The following ARMCX4 variants were observed in gnomAD, a reference collection of about 807,000 sequenced individuals.
The protein encoded by ARMCX4 is armadillo repeat containing X-linked 4.
ARMCX4 carries 3 observed loss-of-function variants against 34.7 expected under a neutral mutation model. That is an observed-to-expected ratio of 0.09 (90% CI 0.04 to 0.22). The LOEUF is 0.22. Ranked by LOEUF, ARMCX4 falls within the 10% of genes least tolerant of loss-of-function variation. The probability of loss-of-function intolerance (pLI) is 1.00; values close to 1 mark genes in which losing one functional copy is unlikely to be tolerated. For synonymous variants in ARMCX4, 513 were observed against 632.8 expected (o/e 0.81, Z 2.84); for missense variants, 1,448 against 1,720.8 (o/e 0.84, Z 2.81).
In ARMCX4 at chrX:101,489,813, T is replaced by A. The variant is rs962218374; in HGVS notation, c.1224T>A (p.Thr408=). ...CTCAGCCTCAAGCTGTTGCCAGTAC[T>A]CACGCTGAGGCCATGTCTGATGCTA... ...AAAQPQAVAS[T]HAEAMSDAKV... Residue 408 remains threonine (T), a synonymous_variant, in exon 6 of 6, where the codon ACT becomes ACA. Coordinates refer to ENST00000423738, the MANE Select transcript of ARMCX4 (RefSeq NM_001256155.3). The A allele has an allele frequency of 2.3e-5, 27 of 1,155,699 alleles. No homozygotes were observed. The highest frequency in any genetic ancestry group is 3.0e-5 in the Non-Finnish European group (26 of 872,672).
At chrX:101,524,095 C>G (rs1413895730) in intron 11 of ARMCX4, 1 of 111,315 alleles carries the variant, frequency 9.0e-6, no homozygotes, top group African/African-American at 3.3e-5. Context: ...GAGTGATGCC[C>G]CTGCTCTGTG....
chrX:101,503,700 G>A (rs1294954446), intron 7 of ARMCX4, among the ~76,000 whole-genome samples: 8 of 111,466 alleles, frequency 7.2e-5, no homozygotes, highest in Non-Finnish European at 1.3e-4. Flanking sequence ...TTTGTCAGAT[G>A]AGTAGATTGC....
intron 11 of ARMCX4, among the ~76,000 whole-genome samples, chrX:101,511,935 C>A (rs978078802): frequency 7.3e-5 from 8 of 109,056 alleles, no homozygotes; most frequent in Non-Finnish European, 1.5e-4. Flanking sequence ...TTTTTTAGTA[C>A]AACTTATTAT....
chrX:101,498,095 C>A (rs1490432378), downstream of ARMCX4: 3 of 322,282 alleles, frequency 9.3e-6, no homozygotes, highest in Non-Finnish European at 1.8e-5. Flanking sequence ...ATTGGGACAG[C>A]TTAACTCCTC....
chrX:101,494,466 G>A lies in ARMCX4; in HGVS notation c.5877G>A (p.Glu1959=). 2 of 1,155,094 alleles carry A rather than the reference G, an allele frequency of 1.7e-6. No homozygotes were observed. The highest frequency in any genetic ancestry group is 2.3e-6 in the Non-Finnish European group (2 of 872,437). Residue 1959 remains glutamate (E), a synonymous_variant, in exon 6 of 6, where the codon GAG becomes GAA. Transcript: ENST00000423738. The part of the protein sequence containing the change: ...WFCAGNENTS[E]DKSAPKAKAK... ...GTGCTGGTAATGAAAACACAAGTGA[G>A]GACAAATCTGCACCTAAGGCTAAAG... is the stretch of plus-strand genomic sequence containing the variant.
At position 101,492,360 on chromosome X, in the gene ARMCX4, T is replaced by C; in HGVS notation, c.3771T>C (p.Val1257=). 8.7e-7 allele frequency: 1 copy of C among 1,152,986 alleles called. No homozygotes were observed. The highest frequency in any genetic ancestry group is 1.1e-6 in the Non-Finnish European group (1 of 871,723). Residue 1257 remains valine (V), a synonymous_variant, in exon 6 of 6, where the codon GTT becomes GTC. Transcript: ENST00000423738. Reference sequence around the variant, plus strand: ...GACAGGCCAGTGGGGTGTCCTGGGTTGGGGAAGAGGCCATTGGAGGGTCCT... The same window carrying C: ...GACAGGCCAGTGGGGTGTCCTGGGTCGGGGAAGAGGCCATTGGAGGGTCCT... ...PGGQASGVSW[V]GEEAIGGSWT...
downstream of ARMCX4, among the ~76,000 whole-genome samples, chrX:101,535,118 G>A (rs782114711): frequency 1.8e-5 from 2 of 111,013 alleles, no homozygotes; most frequent in East Asian, 5.6e-4. Flanking sequence ...GGTTTTCTTG[G>A]GGGGCTGGTG....
upstream of ARMCX4, among the ~76,000 whole-genome samples, chrX:101,482,188 C>T (rs1430637346): frequency 4.5e-5 from 5 of 110,591 alleles, no homozygotes; most frequent in Admixed American, 3.9e-4. Flanking sequence ...GAGCCAAGAT[C>T]GCACCACTGC....
At chrX:101,446,380 T>G (rs1569320679), downstream of ARMCX4, among the ~76,000 whole-genome samples, 1 of 110,823 alleles carries the variant, frequency 9.0e-6, no homozygotes, top group South Asian at 3.8e-4. Context: ...AGGATAGACA[T>G]GTGGTATGTA....
rs782287779 is a variant in ARMCX4 at position 101,460,481 on chromosome X, C to T, written c.-473+14437C>T. Among the ~76,000 whole-genome samples the T allele has an allele frequency of 5.4e-5, 6 of 111,619 alleles. No individual in the cohort carries two copies. The East Asian group carries it at 1.7e-3, about 31-fold the overall frequency. On this transcript the variant is annotated intron_variant and NMD_transcript_variant, in intron 4 of 15. Transcript: ENST00000433011. ...GGAAGTTAGGAGATGTTAAGTAAAT[C>T]AGGGAAACTGTCTTATAAATGCTTA... is the stretch of plus-strand genomic sequence containing the variant.
At chrX:101,454,511 C>T (rs1364308309) in intron 4 of ARMCX4, among the ~76,000 whole-genome samples, 2 of 107,987 alleles carry the variant, frequency 1.9e-5, no homozygotes, top group Non-Finnish European at 3.8e-5. Flanking sequence ...TGGTCTCGAT[C>T]TCCTGACCTC....
intron 2 of ARMCX4, among the ~76,000 whole-genome samples, chrX:101,433,598 T>G (rs1350337780): frequency 9.0e-6 from 1 of 111,655 alleles, no homozygotes; most frequent in Non-Finnish European, 1.9e-5. Context: ...GTCACTGGGT[T>G]GTTGTGGTGA....
At position 101,489,453 on chromosome X, in the gene ARMCX4, C is replaced by T. The variant is rs1393373400; in HGVS notation, c.864C>T (p.Ile288=). Residue 288 remains isoleucine (I), a synonymous_variant, in exon 6 of 6, where the codon ATC becomes ATT. Transcript: ENST00000423738. ...SCAQSQAVTK[I]QGDDMPGTGV... ...CACAGTCTCAGGCTGTGACCAAGATCCAGGGTGATGACATGCCTGGTACTG... is the reference window on the plus strand; with the variant it reads ...CACAGTCTCAGGCTGTGACCAAGATTCAGGGTGATGACATGCCTGGTACTG... 1.7e-6 allele frequency: 2 copies of T among 1,153,019 alleles called. No homozygotes were observed. Among genetic ancestry groups the T allele is most frequent in the Non-Finnish European group, 2.3e-6 (2 of 872,053 alleles).
intron 4 of ARMCX4, among the ~76,000 whole-genome samples, chrX:101,480,187 A>G (rs782085740): frequency 1.9e-5 from 2 of 104,380 alleles, no homozygotes; most frequent in East Asian, 6.2e-4. Flanking sequence ...TATATATGCA[A>G]TGACCCAGAA....
chrX:101,521,985 G>A (rs1346955239), intron 11 of ARMCX4, among the ~76,000 whole-genome samples: 1 of 111,496 alleles, frequency 9.0e-6, no homozygotes, highest in African/African-American at 3.3e-5. Flanking sequence ...CTGTTGTTTA[G>A]TGAAGTGTTC....
rs782627948 is a variant in ARMCX4 at position 101,491,093 on chromosome X, A to G, written c.2504A>G (p.Asn835Ser). 9 of 1,154,304 alleles carry G rather than the reference A, an allele frequency of 7.8e-6. No homozygotes were observed. The highest frequency in any genetic ancestry group is 3.8e-5 in the South Asian group (2 of 52,598). The change falls in exon 6 of 6, where the codon AAT becomes AGT. Residue 835 changes from asparagine to serine, a missense_variant. Coordinates refer to ENST00000423738, the MANE Select transcript of ARMCX4 (RefSeq NM_001256155.3). ...TCTGCCCAGCCCCAGGCTGTGGCCA[A>G]TTCCCAGGGTGAAGTCTTGCCTGGT... ...RGSAQPQAVANSQGEVLPGAK... is the reference protein window; with the variant it reads ...RGSAQPQAVASSQGEVLPGAK...
chrX:101,470,788 A>G (rs989637604), intron 4 of ARMCX4, among the ~76,000 whole-genome samples: 3 of 112,233 alleles, frequency 2.7e-5, no homozygotes, highest in Non-Finnish European at 3.8e-5. Context: ...ACATTCATGT[A>G]CAAGTCTTTG....
intron 11 of ARMCX4, among the ~76,000 whole-genome samples, chrX:101,529,798 T>C (rs1036871114): frequency 7.2e-5 from 8 of 111,799 alleles, no homozygotes; most frequent in African/African-American, 2.3e-4. Flanking sequence ...CATCTCACAC[T>C]AGTTAGAATG....
intron 2 of ARMCX4, among the ~76,000 whole-genome samples, chrX:101,432,724 AT>A (rs1930152564): frequency 1.1e-5 from 1 of 88,618 alleles, no homozygotes; most frequent in Admixed American, 1.3e-4. Context: ...ACATATATGT[AT>A]ATACACATAT....
Sources: allele counts gnomAD v4.1 joint callset (sites outside exome capture counted in the v4.1 genomes callset), GRCh38; gene constraint gnomAD v4.1.1; transcripts MANE v1.5; gene names NCBI Gene and HGNC (gene_info 2026-07-23, HGNC 2026-07-21).